The following ANKRD26 variants were observed in gnomAD, a reference collection of about 807,000 sequenced individuals.
ANKRD26 encodes ankyrin repeat domain 26.
In ANKRD26, 141 loss-of-function variants were observed where a neutral mutation model predicts 208.7. That is an observed-to-expected ratio of 0.68 (90% CI 0.59 to 0.78). ANKRD26 has a LOEUF of 0.78. ANKRD26 is among the 30% of genes least tolerant of loss of function. The pLI, the probability that ANKRD26 is intolerant of heterozygous loss-of-function variation, is 0.00. For missense variants in ANKRD26, 1,889 were observed against 1,938.7 expected (o/e 0.97, Z 0.48); for synonymous variants, 636 against 660.4 (o/e 0.96, Z 0.57).
At chr10:26,990,409 G>GTA (rs1365935196), downstream of ANKRD26, among the ~76,000 whole-genome samples, 2 of 152,156 alleles carry the variant, frequency 1.3e-5, no homozygotes, top group African/African-American at 2.4e-5. Flanking sequence ...GTTGGGGAGT[G>GTA]TATCACACCC....
chr10:27,029,141 C>G (rs777777528), intron 26 of ANKRD26, 145 bp downstream of exon 26: 2 of 1,112,228 alleles, frequency 1.8e-6, no homozygotes, highest in Non-Finnish European at 2.6e-6. Flanking sequence ...TAAAAAAATC[C>G]GCATTTCAAA....
chr10:27,053,172 T>C, intron 16 of ANKRD26, 148 bp downstream of exon 16: 1 of 577,948 alleles, frequency 1.7e-6, no homozygotes, highest in Non-Finnish European at 3.0e-6. Context: ...ACATTTTAAC[T>C]AGTCAAAACG....
At chr10:26,972,059 C>A (rs576074039), downstream of ANKRD26, among the ~76,000 whole-genome samples, 216 of 152,074 alleles carry the variant, frequency 1.4e-3, 1 homozygote, top group Admixed American at 5.2e-3. Context: ...CACGGTGAAA[C>A]CCCGTCTCTA....
chr10:27,071,006 T>C (rs2055465758), intron 9 of ANKRD26, among the ~76,000 whole-genome samples: 1 of 152,112 alleles, frequency 6.6e-6, no homozygotes, highest in African/African-American at 2.4e-5. Flanking sequence ...CTTTCCTTCC[T>C]TATGATTCTA....
intron 1 of ANKRD26, among the ~76,000 whole-genome samples, chr10:27,099,866 A>G (rs1017870656): frequency 1.3e-5 from 2 of 152,192 alleles, no homozygotes; most frequent in Admixed American, 6.5e-5. Context: ...GTGCTCTCTA[A>G]GGGATTTCGG....
the ANKRD26 span, among the ~76,000 whole-genome samples, chr10:26,949,987 G>T: frequency 6.6e-6 from 1 of 152,012 alleles, no homozygotes; most frequent in African/African-American, 2.4e-5. Flanking sequence ...TTATCCTGTG[G>T]TATTTCAGCA....
chr10:27,092,091 T>C (rs890615604), intron 4 of ANKRD26, among the ~76,000 whole-genome samples: 3 of 152,096 alleles, frequency 2.0e-5, no homozygotes, highest in African/African-American at 7.2e-5. Context: ...AAAACATGGG[T>C]TTACAAATAA....
chr10:26,959,710 C>T, the ANKRD26 span, among the ~76,000 whole-genome samples: 3 of 151,200 alleles, frequency 2.0e-5, no homozygotes, highest in Non-Finnish European at 4.4e-5. Context: ...GAACTCCTGA[C>T]CTCAAGAGAT....
rs967100998 is a variant in ANKRD26 at position 27,022,496 on chromosome 10, G to T, written c.4215+62C>A. On this transcript the variant is annotated intron_variant, in intron 29 of 33. Transcript: ENST00000376087. Reference sequence around the variant, plus strand: ...TCTTTATTTCACTGTTCAAAGCATTGAGAAGTCTATATTTCCCAAAATTAA... The same window carrying T: ...TCTTTATTTCACTGTTCAAAGCATTTAGAAGTCTATATTTCCCAAAATTAA... The T allele has an allele frequency of 1.3e-5, 16 of 1,275,606 alleles. No homozygotes were observed. The East Asian group carries it at 3.8e-4, about 30-fold the overall frequency. The allele number at this position is 1,275,606 out of a possible 1,614,324, so 79.0% of individuals were successfully genotyped here.
chr10:26,972,099 G>A (rs527645593), downstream of ANKRD26, among the ~76,000 whole-genome samples: 1 of 152,048 alleles, frequency 6.6e-6, no homozygotes, highest in African/African-American at 2.4e-5. Flanking sequence ...GCCAGGCGTG[G>A]TGGCGGGCGC....
chr10:27,043,120 C>T (rs1430893968), intron 20 of ANKRD26, among the ~76,000 whole-genome samples: 1 of 150,006 alleles, frequency 6.7e-6, no homozygotes, highest in African/African-American at 2.5e-5. Flanking sequence ...AACTTCTGCT[C>T]TTCAAAAGAT....
Position 27,082,900 on chromosome 10 carries a change from A to G in ANKRD26, c.710-67T>C, listed in dbSNP as rs2135634251. The G allele has an allele frequency of 6.6e-6, 10 of 1,524,420 alleles. No individual in the cohort carries two copies. In the South Asian group the frequency reaches 1.2e-4, roughly 19 times the overall value. 94.4% of individuals were successfully genotyped at this position (1,524,420 alleles called of 1,614,324 possible). On this transcript the variant is annotated intron_variant, in intron 5 of 33. Transcript: ENST00000376087. ...GAAAAATATATAAAATTTAAAGCATAAGACTGATAGTTTGTTACAAAGTAT... is the reference window on the plus strand; with the variant it reads ...GAAAAATATATAAAATTTAAAGCATGAGACTGATAGTTTGTTACAAAGTAT...
chr10:26,976,553 A>T (rs2052230128), intron 5 of ANKRD26, among the ~76,000 whole-genome samples: 1 of 152,198 alleles, frequency 6.6e-6, no homozygotes, highest in Admixed American at 6.5e-5. Flanking sequence ...CACAGCAAAC[A>T]TAGGAATAAT....
At chr10:27,067,855 T>A (rs748309332) in intron 9 of ANKRD26, among the ~76,000 whole-genome samples, 5 of 152,224 alleles carry the variant, frequency 3.3e-5, no homozygotes, top group Non-Finnish European at 7.3e-5. Context: ...TATGTGTCTA[T>A]CACATCATAG....
Position 27,077,724 on chromosome 10 carries a change from TA to T in ANKRD26, c.814-32del, listed in dbSNP as rs746837296. 3.2e-6 allele frequency: 5 copies of T among 1,564,180 alleles called. No individual in the cohort carries two copies. The South Asian group carries it at 3.4e-5, about 10-fold the overall frequency. On this transcript the variant is annotated intron_variant, in intron 7 of 33. Transcript: ENST00000376087. Reference sequence around the variant, plus strand: ...AAACAAAAATAAGAATAACAAGTTTTAAAAAAACAAGTATCAAATTTGATAA... The same window carrying T: ...AAACAAAAATAAGAATAACAAGTTTTAAAAAACAAGTATCAAATTTGATAA...
the ANKRD26 span, among the ~76,000 whole-genome samples, chr10:26,955,519 G>C: frequency 2.0e-5 from 3 of 151,956 alleles, no homozygotes; most frequent in African/African-American, 7.3e-5. Flanking sequence ...GTATAAATAT[G>C]TTCCAATCCA....
At chr10:26,994,504 T>C (rs922819737) in intron 5 of ANKRD26, among the ~76,000 whole-genome samples, 1 of 152,126 alleles carries the variant, frequency 6.6e-6, no homozygotes, top group Non-Finnish European at 1.5e-5. Flanking sequence ...CCTTTCTGTT[T>C]CCAAGTAGAT....
intron 15 of ANKRD26, among the ~76,000 whole-genome samples, chr10:27,057,944 AAAAAAAG>A (rs1164282358): frequency 1.3e-5 from 2 of 151,922 alleles, no homozygotes; most frequent in African/African-American, 2.4e-5. Flanking sequence ...TCAAAAAAAA[AAAAAAAG>A]AAAAAAGAAA....
At chr10:27,068,936 G>A (rs2055370821) in intron 9 of ANKRD26, among the ~76,000 whole-genome samples, 1 of 151,972 alleles carries the variant, frequency 6.6e-6, no homozygotes, top group African/African-American at 2.4e-5. Context: ...GCTCACACCT[G>A]TAATCCCAGC....
Sources: gnomAD v4.1 joint callset for allele counts (sites outside exome capture counted in the v4.1 genomes callset) on GRCh38, gnomAD v4.1.1 for gene constraint, MANE v1.5 for transcripts, NCBI Gene and HGNC (gene_info 2026-07-23, HGNC 2026-07-21) for gene names.